PTPN11: variants seen among roughly 807,000 people sequenced by gnomAD.
The protein encoded by PTPN11 is protein tyrosine phosphatase non-receptor type 11.
A neutral mutation model predicts 78.8 loss-of-function variants in PTPN11; 6 were observed. The ratio of observed to expected loss-of-function variants is 0.08; its 90% CI spans 0.04 to 0.15. The LOEUF (loss-of-function observed/expected upper bound fraction) is 0.15. Among genes scored for constraint, PTPN11 ranks in the 10% least tolerant of loss-of-function variants. The pLI is 1.00. For missense variants in PTPN11, 386 were observed against 744.8 expected (o/e 0.52, Z 5.61); for synonymous variants, 221 against 263.5 (o/e 0.84, Z 1.56).
chr12:112,503,108 G>T (rs767935317), intron 14 of PTPN11, among the ~76,000 whole-genome samples: 16 of 152,116 alleles, frequency 1.1e-4, no homozygotes, highest in Non-Finnish European at 2.1e-4. Flanking sequence ...GGTTTTAAAG[G>T]GTTGTAAAAC....
chr12:112,485,011 T>C (rs2135910348), intron 10 of PTPN11, among the ~76,000 whole-genome samples: 1 of 152,206 alleles, frequency 6.6e-6, no homozygotes, highest in East Asian at 1.9e-4. Context: ...CTGTAATCCC[T>C]GCACTTTGGG....
chr12:112,486,798 C>G, intron 11 of PTPN11, 169 bp downstream of exon 11: 1 of 1,484,104 alleles, frequency 6.7e-7, no homozygotes, highest in African/African-American at 1.4e-5. Flanking sequence ...AGGCATATTT[C>G]TCCTAGACCC....
intron 1 of PTPN11, among the ~76,000 whole-genome samples, chr12:112,423,845 C>G (rs956101410): frequency 6.7e-6 from 1 of 150,102 alleles, no homozygotes; most frequent in African/African-American, 2.5e-5. Context: ...CTCCTGGGCT[C>G]AAGTGATCCT....
chr12:112,459,581 C>T (rs566695806), intron 6 of PTPN11, among the ~76,000 whole-genome samples: 5 of 152,056 alleles, frequency 3.3e-5, no homozygotes, highest in African/African-American at 1.2e-4. Context: ...ATTCTTGTGC[C>T]TCAGCCTCCT....
At chr12:112,488,406 A>G (rs1313391990) in intron 11 of PTPN11, 37 bp from the exon 12 acceptor site, 5 of 1,549,190 alleles carry the variant, frequency 3.2e-6, no homozygotes, top group Non-Finnish European at 3.6e-6. Flanking sequence ...CCCATGAATG[A>G]TTCTGTTGTC....
chr12:112,502,352 A>G (rs1331845943), intron 14 of PTPN11, 96 bp downstream of exon 14: 1 of 999,148 alleles, frequency 1.0e-6, no homozygotes, highest in Non-Finnish European at 1.6e-6. Flanking sequence ...TTTGTAGCAC[A>G]TGCCTTTCAC....
At chr12:112,453,875 A>G (rs2038115254) in intron 4 of PTPN11, among the ~76,000 whole-genome samples, 1 of 151,758 alleles carries the variant, frequency 6.6e-6, no homozygotes, top group African/African-American at 2.4e-5. Context: ...GTCTTGAACT[A>G]GTGCTCAAGA....
At position 112,455,822 on chromosome 12, in the gene PTPN11, G is replaced by A. The variant is rs796505584; in HGVS notation, c.643-128G>A. 1.0e-5 allele frequency: 7 copies of A among 672,946 alleles called. No homozygotes were observed. The African/African-American group carries it at 1.1e-4, about 11-fold the overall frequency. 41.7% of individuals were successfully genotyped at this position (672,946 alleles called of 1,614,324 possible). ...TGAAAACTTTTATTGTGAATTACAG[G>A]GTCCTATGAACCCTCTGTCCGTGCC... On this transcript the variant is annotated intron_variant, in intron 5 of 15. Transcript: ENST00000351677.
intron 7 of PTPN11, among the ~76,000 whole-genome samples, chr12:112,476,354 T>C (rs570522621): frequency 7.9e-5 from 12 of 152,328 alleles, no homozygotes; most frequent in African/African-American, 2.9e-4. Context: ...CTAATTCCCA[T>C]TGCAAAATAT....
intron 6 of PTPN11, among the ~76,000 whole-genome samples, chr12:112,471,577 T>A (rs555984091): frequency 4.6e-5 from 7 of 152,176 alleles, no homozygotes; most frequent in African/African-American, 1.7e-4. Flanking sequence ...CCAATCCTTG[T>A]TGGGTTTCAT....
chr12:112,488,892 A>G, intron 12 of PTPN11, 132 bp from the exon 13 acceptor site: 1 of 1,305,914 alleles, frequency 7.7e-7, no homozygotes, highest in South Asian at 1.2e-5. Context: ...CACTGTAGCC[A>G]TTGCAACATG....
At chr12:112,461,344 T>C (rs928547569) in intron 6 of PTPN11, among the ~76,000 whole-genome samples, 3 of 151,768 alleles carry the variant, frequency 2.0e-5, no homozygotes, top group Non-Finnish European at 4.4e-5. Context: ...TTTTCTTTTT[T>C]TTTTTTTTGA....
chr12:112,459,435 T>G lies in PTPN11; in HGVS notation c.756+3372T>G, dbSNP rs528953417. ...CCTGACTTGTCTTGAAGCAAATACT[T>G]TTTTTTTTTTTTTGAGATAGAGTTT... On this transcript the variant is annotated intron_variant, in intron 6 of 15. Coordinates refer to ENST00000351677, the MANE Select transcript of PTPN11 (RefSeq NM_002834.5). 2.1e-5 allele frequency among the ~76,000 whole-genome samples: 3 copies of G among 145,894 alleles called. No homozygotes were observed. In the East Asian group the frequency reaches 5.9e-4, roughly 29 times the overall value.
intron 1 of PTPN11, among the ~76,000 whole-genome samples, chr12:112,437,042 C>A (rs1308705667): frequency 6.6e-6 from 1 of 151,724 alleles, no homozygotes; most frequent in Admixed American, 6.6e-5. Flanking sequence ...TTTTTTATTG[C>A]CCCTGGATTT....
Position 112,477,853 on chromosome 12 carries a change from C to G in PTPN11, c.934-4C>G. ...TTTGAAGGATTTTCTTCCTAAATTTCTAGCCTGAATTTGAAACCAAGTGCA... is the reference window on the plus strand; with the variant it reads ...TTTGAAGGATTTTCTTCCTAAATTTGTAGCCTGAATTTGAAACCAAGTGCA... On this transcript the variant is annotated splice_region_variant and splice_polypyrimidine_tract_variant and intron_variant, in intron 8 of 15. Transcript: ENST00000351677. The G allele has an allele frequency of 6.2e-7, 1 of 1,614,088 alleles. No individual in the cohort carries two copies. Among genetic ancestry groups the G allele is most frequent in the Non-Finnish European group, 8.5e-7 (1 of 1,179,982 alleles).
chr12:112,458,278 A>G (rs749078372), intron 6 of PTPN11, among the ~76,000 whole-genome samples: 1 of 152,188 alleles, frequency 6.6e-6, no homozygotes, highest in Non-Finnish European at 1.5e-5. Context: ...TGGTGCAATC[A>G]TAGCTCACTG....
chr12:112,442,831 TA>T (rs1461228880), intron 1 of PTPN11, among the ~76,000 whole-genome samples: 44 of 1,664 alleles, frequency 0.026, no homozygotes, highest in East Asian at 0.083. Context: ...TCTCTCTTTT[TA>T]TATATATATA....
chr12:112,473,414 G>A (rs2038449999), intron 7 of PTPN11, among the ~76,000 whole-genome samples: 2 of 152,102 alleles, frequency 1.3e-5, no homozygotes, highest in Admixed American at 6.6e-5. Context: ...CCTGGGTAAG[G>A]CCTGCCTCCT....
intron 10 of PTPN11, among the ~76,000 whole-genome samples, chr12:112,483,693 A>G (rs2038631846): frequency 6.6e-6 from 1 of 152,158 alleles, no homozygotes; most frequent in Non-Finnish European, 1.5e-5. Flanking sequence ...CAGCCGTCAG[A>G]GTAAAAAATA....
Sources: allele counts gnomAD v4.1 joint callset (sites outside exome capture counted in the v4.1 genomes callset), GRCh38; gene constraint gnomAD v4.1.1; transcripts MANE v1.5; gene names NCBI Gene and HGNC (gene_info 2026-07-23, HGNC 2026-07-21).